FOCAD: variants seen among roughly 807,000 people sequenced by gnomAD.
FOCAD encodes KIAA1797.
FOCAD carries 198 observed loss-of-function variants against 225.6 expected under a neutral mutation model. The ratio of observed to expected loss-of-function variants is 0.88; its 90% CI spans 0.78 to 0.99. The LOEUF is 0.99. Ranked by LOEUF, FOCAD falls within the 50% of genes least tolerant of loss-of-function variation. The pLI is 0.00. For synonymous variants in FOCAD, 897 were observed against 755.0 expected (o/e 1.19, Z -3.08); for missense variants, 2,713 against 2,123.6 (o/e 1.28, Z -5.46).
intron 14 of FOCAD, among the ~76,000 whole-genome samples, chr9:20,821,996 TAAAAAAA>T (rs58640962): frequency 2.0e-5 from 1 of 49,300 alleles, no homozygotes; most frequent in Non-Finnish European, 3.6e-5. Flanking sequence ...TAAAAGTTAC[TAAAAAAA>T]AAAAAAAAAA....
intron 15 of FOCAD, among the ~76,000 whole-genome samples, chr9:20,841,549 G>C (rs1348046786): frequency 6.6e-6 from 1 of 151,698 alleles, no homozygotes; most frequent in African/African-American, 2.4e-5. Flanking sequence ...TTGTCATATA[G>C]TTGCTCATTG....
intron 18 of FOCAD, among the ~76,000 whole-genome samples, chr9:20,868,678 G>A (rs757482688): frequency 1.3e-5 from 2 of 151,934 alleles, no homozygotes; most frequent in Non-Finnish European, 2.9e-5. Flanking sequence ...AAGCTATAAG[G>A]CGTATCCTTT....
At chr9:20,673,662 G>C (rs1822144005) in intron 2 of FOCAD, among the ~76,000 whole-genome samples, 1 of 152,046 alleles carries the variant, frequency 6.6e-6, no homozygotes, top group Non-Finnish European at 1.5e-5. Flanking sequence ...TGGCGTGATG[G>C]CGTGATCTCG....
intron 19 of FOCAD, among the ~76,000 whole-genome samples, chr9:20,876,743 A>G (rs906133699): frequency 1.3e-5 from 2 of 152,198 alleles, no homozygotes; most frequent in Non-Finnish European, 2.9e-5. Flanking sequence ...AAGAACCAGG[A>G]AAAAGTCACC....
intron 8 of FOCAD, 119 bp downstream of exon 8, chr9:20,770,357 C>A: frequency 1.1e-6 from 1 of 905,236 alleles, no homozygotes; most frequent in Non-Finnish European, 1.7e-6. Flanking sequence ...GTACAGGATG[C>A]ATGGTGCTGG....
At chr9:20,911,995 A>T (rs1230761579) in intron 22 of FOCAD, among the ~76,000 whole-genome samples, 1 of 152,150 alleles carries the variant, frequency 6.6e-6, no homozygotes, top group Admixed American at 6.6e-5. Context: ...AGACCATTTC[A>T]TATCCACCAA....
At position 20,907,146 on chromosome 9, in the gene FOCAD, A is replaced by G. The variant is rs375589881; in HGVS notation, c.2626-4A>G. On this transcript the variant is annotated splice_polypyrimidine_tract_variant and splice_region_variant and intron_variant, in intron 21 of 43. Transcript: ENST00000338382. ...TAATATGTTGTGGTACATTTTTCCC[A>G]TAGGTTCATATCCAGCTTTCAGAGT... The G allele has an allele frequency of 7.1e-5, 114 of 1,611,210 alleles. 1 individual carries two copies. The African/African-American group carries it at 1.4e-3, about 20-fold the overall frequency.
intron 35 of FOCAD, among the ~76,000 whole-genome samples, chr9:20,970,134 G>A (rs988252961): frequency 4.0e-5 from 6 of 151,846 alleles, no homozygotes; most frequent in African/African-American, 1.4e-4. Context: ...AAGATTTTCA[G>A]TCTTTGTCTT....
chr9:20,769,752 A>T (rs1817998580), intron 7 of FOCAD, among the ~76,000 whole-genome samples: 1 of 152,248 alleles, frequency 6.6e-6, no homozygotes, highest in Non-Finnish European at 1.5e-5. Flanking sequence ...AACTTGTTTT[A>T]AGACATCTGC....
chr9:20,780,831 A>G (rs1181163730), intron 9 of FOCAD, among the ~76,000 whole-genome samples: 1 of 152,208 alleles, frequency 6.6e-6, no homozygotes, highest in Non-Finnish European at 1.5e-5. Flanking sequence ...ATTAAGACCA[A>G]TATTTAGGCA....
chr9:20,671,483 A>G (rs1050176187), intron 2 of FOCAD, among the ~76,000 whole-genome samples: 1 of 152,210 alleles, frequency 6.6e-6, no homozygotes, highest in African/African-American at 2.4e-5. Flanking sequence ...GAGCAGCCAG[A>G]TTCAAATGTG....
chr9:20,781,558 T>C (rs1232265102), intron 9 of FOCAD, among the ~76,000 whole-genome samples, 169 bp from the exon 10 acceptor site: 2 of 152,246 alleles, frequency 1.3e-5, no homozygotes, highest in Admixed American at 6.5e-5. Context: ...ATAGTTTATT[T>C]ATACTCCTTT....
At chr9:20,943,529 C>A (rs1836878207) in intron 28 of FOCAD, among the ~76,000 whole-genome samples, 1 of 152,142 alleles carries the variant, frequency 6.6e-6, no homozygotes. Context: ...TGTAGCCTGT[C>A]TATCCTTCTG....
chr9:20,876,091 T>G (rs1201542604), intron 19 of FOCAD, among the ~76,000 whole-genome samples: 1 of 152,172 alleles, frequency 6.6e-6, no homozygotes, highest in Non-Finnish European at 1.5e-5. Context: ...CAAAGCTCCT[T>G]TTACAGTTCC....
rs998767937 is a variant in FOCAD at position 20,721,576 on chromosome 9, C to T, written c.287+1042C>T. Among the ~76,000 whole-genome samples the T allele has an allele frequency of 1.4e-4, 21 of 151,978 alleles. 1 individual carries two copies. Among genetic ancestry groups the T allele is most frequent in the African/African-American group, 4.8e-4 (20 of 41,382 alleles). ...AATTAGCTGGGCGTGGTGATGCGTG[C>T]CTGTAATCCCAGCTACTCAGGAGAC... On this transcript the variant is annotated intron_variant, in intron 4 of 43. Transcript: ENST00000338382.
chr9:20,821,100 A>T, intron 14 of FOCAD, 29 bp downstream of exon 14: 1 of 1,585,922 alleles, frequency 6.3e-7, no homozygotes, highest in Non-Finnish European at 8.6e-7. Context: ...TTAGGAATGT[A>T]TATCATGATA....
chr9:20,762,954 A>G (rs1176442248), intron 6 of FOCAD, among the ~76,000 whole-genome samples: 1 of 152,202 alleles, frequency 6.6e-6, no homozygotes, highest in East Asian at 1.9e-4. Context: ...CCGTGAAGCA[A>G]TTGCACTTTA....
intron 22 of FOCAD, 36 bp from the exon 23 acceptor site, chr9:20,912,830 G>A: frequency 3.9e-6 from 6 of 1,535,914 alleles, no homozygotes; most frequent in Non-Finnish European, 5.4e-6. Flanking sequence ...TTCAGCCATC[G>A]AGTTCACATG....
At chr9:20,806,943 T>C (rs975905671) in intron 11 of FOCAD, among the ~76,000 whole-genome samples, 2 of 152,206 alleles carry the variant, frequency 1.3e-5, no homozygotes, top group Non-Finnish European at 2.9e-5. Flanking sequence ...ACCTTCTGCA[T>C]AGATTAAATT....
Sources: gnomAD v4.1 joint callset for allele counts (sites outside exome capture counted in the v4.1 genomes callset) on GRCh38, gnomAD v4.1.1 for gene constraint, MANE v1.5 for transcripts, NCBI Gene and HGNC (gene_info 2026-07-23, HGNC 2026-07-21) for gene names.